The following NOD2 variants were observed in gnomAD, a reference collection of about 807,000 sequenced individuals.
NOD2 encodes nucleotide binding oligomerization domain containing 2, also known as nucleotide-binding oligomerization domain-containing protein 2.
NOD2 carries 86 observed loss-of-function variants against 90.9 expected under a neutral mutation model. The observed-to-expected ratio is 0.95, with a 90% CI of 0.79 to 1.13. NOD2 has a LOEUF of 1.13. Ranked by LOEUF, NOD2 falls within the 50% of genes most tolerant of loss-of-function variation. The pLI, the probability that NOD2 is intolerant of heterozygous loss-of-function variation, is 0.00. For missense variants in NOD2, 1,238 were observed against 1,283.8 expected, an observed-to-expected ratio of 0.96 and a Z score of 0.55; for synonymous variants, 581 against 554.6, an observed-to-expected ratio of 1.05 and a Z score of -0.67.
intron 2 of NOD2, among the ~76,000 whole-genome samples, chr16:50,706,925 G>A (rs916380015): frequency 4.6e-5 from 7 of 151,976 alleles, no homozygotes; most frequent in South Asian, 2.1e-4. Context: ...CTGGAACTCC[G>A]GACCTTAGGG....
intron 1 of NOD2, among the ~76,000 whole-genome samples, chr16:50,696,832 T>C (rs1394020764): frequency 6.6e-6 from 1 of 152,234 alleles, no homozygotes; most frequent in Non-Finnish European, 1.5e-5. Context: ...GTCACGTGGC[T>C]TGGGCGGGCC....
rs771364403 is a variant in NOD2, at chr16:50,710,874, C to G, written c.882C>G (p.Asp294Glu). Residue 294 changes from aspartate (D) to glutamate (E), a missense_variant, in exon 4 of 12, where the codon GAC becomes GAG. By Grantham distance (45) the Asp-to-Glu change is conservative (BLOSUM62 2). Around this residue, in one of 3 missense-constraint regions of NOD2, gnomAD observed 567 missense variants for 577.3 expected, o/e 0.98. Transcript: ENST00000647318. ...ACTTGCTGTGGGCTGCAGGGCAAGA[C>G]TTCCAGGAATTTCTCTTTGTCTTCC... ...RLHLLWAAGQ[D>E]FQEFLFVFPF... 4 of 1,614,140 alleles carry G rather than the reference C, an allele frequency of 2.5e-6. No homozygotes were observed. The East Asian group carries it at 8.9e-5, about 36-fold the overall frequency.
intron 6 of NOD2, 28 bp from the exon 7 acceptor site, chr16:50,719,897 T>G: frequency 1.2e-6 from 2 of 1,604,838 alleles, no homozygotes; most frequent in Non-Finnish European, 1.7e-6. Flanking sequence ...CGCTGTGTTC[T>G]CTCAGCCTCC....
At position 50,711,586 on chromosome 16, in the gene NOD2, G is replaced by C; in HGVS notation, c.1594G>C (p.Gly532Arg). Reference sequence around the variant, plus strand: ...GGGCAGACTGGCTCTGTGGGGCCTGGGCATGTGCTGCTACGTGTTCTCAGC... The same window carrying C: ...GGGCAGACTGGCTCTGTGGGGCCTGCGCATGTGCTGCTACGTGTTCTCAGC... Reference protein sequence around the residue: ...HLGRLALWGLGMCCYVFSAQQ... With the variant: ...HLGRLALWGLRMCCYVFSAQQ... Residue 532 changes from glycine to arginine, a missense_variant, in exon 4 of 12, where the codon GGC becomes CGC. Coordinates refer to ENST00000647318, the MANE Select transcript of NOD2 (RefSeq NM_001370466.1). 2.5e-6 allele frequency: 4 copies of C among 1,611,538 alleles called. No homozygotes were observed. Among genetic ancestry groups the C allele is most frequent in the Non-Finnish European group, 3.4e-6 (4 of 1,179,990 alleles).
chr16:50,714,414 C>G (rs1376503621), intron 4 of NOD2, among the ~76,000 whole-genome samples: 1 of 152,118 alleles, frequency 6.6e-6, no homozygotes, highest in Non-Finnish European at 1.5e-5. Context: ...ATATTTTTCA[C>G]AGACACCCCT....
chr16:50,711,018 C>A lies in NOD2; in HGVS notation c.1026C>A (p.Asp342Glu), dbSNP rs759382357. The A allele has an allele frequency of 6.8e-6, 11 of 1,614,116 alleles. No individual in the cohort carries two copies. The East Asian group carries it at 2.2e-4, about 33-fold the overall frequency. ...AAGACATCTTCCAGTTACTCCTTGA[C>A]CACCCTGACCGTGTCCTGTTAACCT... Reference protein sequence around the residue: ...GQEDIFQLLLDHPDRVLLTFD... With the variant: ...GQEDIFQLLLEHPDRVLLTFD... Residue 342 changes from aspartate (D) to glutamate (E), a missense_variant, in exon 4 of 12, where the codon GAC (aspartate) becomes GAA (glutamate). Physicochemically the swap from Asp to Glu is conservative, Grantham distance 45. Transcript: ENST00000647318.
Position 50,729,916 on chromosome 16 carries a change from C to T in NOD2, c.2969+15C>T. The T allele has an allele frequency of 6.2e-7, 1 of 1,606,360 alleles. No homozygotes were observed. Among genetic ancestry groups the T allele is most frequent in the South Asian group, 1.1e-5 (1 of 90,830 alleles). ...CTGGAAGTCTGGTAAGGCCCCTGGG[C>T]AGGCCTGTTTTAGCTCTCCGAACCT... On this transcript the variant is annotated intron_variant, in intron 11 of 11. Coordinates refer to ENST00000647318, the MANE Select transcript of NOD2 (RefSeq NM_001370466.1).
intron 4 of NOD2, among the ~76,000 whole-genome samples, chr16:50,714,700 G>C (rs923180062): frequency 2.0e-5 from 3 of 151,094 alleles, no homozygotes; most frequent in Non-Finnish European, 2.9e-5. Flanking sequence ...GAGGGCACAG[G>C]CTCCTCTCCC....
rs776211261 is a variant in NOD2, at chr16:50,711,078, G to A, written c.1086G>A (p.Thr362=). ...TTGACGAGTTCAAGTTCAGGTTCAC[G>A]GATCGTGAACGCCACTGCTCCCCGA... ...DGFDEFKFRF[T]DRERHCSPTD... is the part of the protein sequence containing the mutation. Residue 362 remains threonine, a synonymous_variant, in exon 4 of 12, where the codon ACG becomes ACA. Transcript: ENST00000647318. The A allele has an allele frequency of 3.7e-6, 6 of 1,614,146 alleles. No homozygotes were observed. The East Asian group carries it at 6.7e-5, about 18-fold the overall frequency.
intron 2 of NOD2, among the ~76,000 whole-genome samples, chr16:50,704,996 A>G (rs1964120419): frequency 6.6e-6 from 1 of 152,158 alleles, no homozygotes; most frequent in African/African-American, 2.4e-5. Flanking sequence ...TTTACAGGTG[A>G]TTTCTTCCTC....
intron 11 of NOD2, 65 bp downstream of exon 11, chr16:50,729,966 G>T: frequency 8.2e-7 from 1 of 1,224,612 alleles, no homozygotes; most frequent in Middle Eastern, 2.1e-4. Flanking sequence ...GTAAAATGGG[G>T]TGACGGGAGA....
Position 50,732,193 on chromosome 16 carries a change from C to A in NOD2, c.*374C>A. 1 of 371,000 alleles carries A rather than the reference C, an allele frequency of 2.7e-6. No homozygotes were observed. Among genetic ancestry groups the A allele is most frequent in the Non-Finnish European group, 5.2e-6 (1 of 192,026 alleles). The allele number at this position is 371,000 out of a possible 1,614,324, so 23.0% of individuals were successfully genotyped here. On this transcript the variant is annotated 3_prime_UTR_variant, in exon 12 of 12. Coordinates refer to ENST00000647318, the MANE Select transcript of NOD2 (RefSeq NM_001370466.1). ...CTGAGTGCCTTTTGGTGGAGAGGCC[C>A]GGCCTCTCACAAAAGACCCCTTACC...
intron 9 of NOD2, among the ~76,000 whole-genome samples, chr16:50,724,438 T>G (rs1178648985): frequency 2.0e-5 from 3 of 152,208 alleles, no homozygotes; most frequent in Non-Finnish European, 1.5e-5. Context: ...AATTTATGAA[T>G]TGGGCAGCAT....
At chr16:50,726,013 C>T (rs1965252218) in intron 10 of NOD2, among the ~76,000 whole-genome samples, 1 of 152,182 alleles carries the variant, frequency 6.6e-6, no homozygotes, top group African/African-American at 2.4e-5. Flanking sequence ...CCAGCTCACC[C>T]TCACCCAGCT....
At chr16:50,715,453 T>C (rs1964744542) in intron 4 of NOD2, among the ~76,000 whole-genome samples, 5 of 152,194 alleles carry the variant, frequency 3.3e-5, no homozygotes. Flanking sequence ...TCTCGTTCTG[T>C]TGCCCAGGCA....
chr16:50,731,601 G>A, intron 11 of NOD2, 146 bp from the exon 12 acceptor site: 2 of 689,518 alleles, frequency 2.9e-6, no homozygotes, highest in Non-Finnish European at 5.3e-6. Flanking sequence ...GGTAAAAACA[G>A]CCCTGACTTC....
intron 6 of NOD2, chr16:50,719,667 C>G: frequency 1.6e-6 from 1 of 623,858 alleles, no homozygotes; most frequent in Non-Finnish European, 3.0e-6. Flanking sequence ...GGACAGCTGC[C>G]TACTGTGGCT....
rs867131858 is a variant in NOD2 at position 50,711,767 on chromosome 16, C to T, written c.1775C>T (p.Ala592Val). The T allele has an allele frequency of 1.2e-6, 2 of 1,614,228 alleles. No individual in the cohort carries two copies. The highest frequency in any genetic ancestry group is 3.3e-4 in the Middle Eastern group (2 of 6,062). ...FFAAFYLALS[A>V]DVPPALLRHL... Reference sequence around the variant, plus strand: ...GCCGCGTTCTACCTGGCACTCAGTGCTGATGTGCCACCAGCTTTGCTCAGA... The same window carrying T: ...GCCGCGTTCTACCTGGCACTCAGTGTTGATGTGCCACCAGCTTTGCTCAGA... The change falls in exon 4 of 12, where the codon GCT (alanine) becomes GTT (valine). Residue 592 changes from alanine (A) to valine (V), a missense_variant. Coordinates refer to ENST00000647318, the MANE Select transcript of NOD2 (RefSeq NM_001370466.1).
chr16:50,696,366 G>A (rs1170701120), intron 1 of NOD2: 3 of 152,186 alleles, frequency 2.0e-5, no homozygotes, highest in Non-Finnish European at 2.9e-5. Flanking sequence ...TCTCTACATG[G>A]GCCTCACCTT....
Sources: allele counts gnomAD v4.1 joint callset (sites outside exome capture counted in the v4.1 genomes callset), GRCh38; gene constraint gnomAD v4.1.1; regional missense constraint gnomAD v4.1.1; transcripts MANE v1.5; gene names NCBI Gene and HGNC (gene_info 2026-07-23, HGNC 2026-07-21).